PASK: variants seen among roughly 807,000 people sequenced by gnomAD.
The protein encoded by PASK is PAS domain-containing serine/threonine-protein kinase.
PASK carries 110 observed loss-of-function variants against 121.0 expected under a neutral mutation model. That is an observed-to-expected ratio of 0.91 (90% CI 0.78 to 1.06). The LOEUF (loss-of-function observed/expected upper bound fraction) is 1.06, where lower values mean the gene tolerates loss of function less well. Among genes scored for constraint, PASK ranks in the 50% least tolerant of loss-of-function variants. The probability of loss-of-function intolerance (pLI) is 0.00; values close to 1 mark genes in which losing one functional copy is unlikely to be tolerated. For synonymous variants in PASK, 686 were observed against 717.8 expected, an observed-to-expected ratio of 0.96 and a Z score of 0.71; for missense variants, 1,643 against 1,702.3, an observed-to-expected ratio of 0.97 and a Z score of 0.61.
chr2:241,126,097 G>A, intron 10 of PASK, 99 bp downstream of exon 10: 1 of 1,024,866 alleles, frequency 9.8e-7, no homozygotes. Context: ...CTATTCCAGG[G>A]TGAAACCCCA....
chr2:241,144,089 TGTGTGTGGGTGTGCGTGTGTGTCC>T (rs1383506975), intron 1 of PASK, among the ~76,000 whole-genome samples: 2 of 152,104 alleles, frequency 1.3e-5, no homozygotes, highest in South Asian at 4.1e-4. Flanking sequence ...CAGGTGTGTG[TGTGTGTGGGTGTGCGTGTGTGTCC>T]GTGCGTGTGT....
intron 12 of PASK, among the ~76,000 whole-genome samples, chr2:241,119,555 C>T (rs997812561): frequency 2.6e-5 from 4 of 151,866 alleles, no homozygotes; most frequent in South Asian, 2.1e-4. Context: ...CTGCAAGCTC[C>T]GCCTCCCGGG....
intron 8 of PASK, 60 bp downstream of exon 8, chr2:241,135,811 C>A: frequency 2.0e-6 from 3 of 1,487,652 alleles, no homozygotes; most frequent in Non-Finnish European, 2.8e-6. Flanking sequence ...GTCTCAGAGG[C>A]ATGGGGCTGT....
intron 9 of PASK, among the ~76,000 whole-genome samples, chr2:241,130,216 G>A (rs529904356): frequency 6.6e-6 from 1 of 152,350 alleles, no homozygotes; most frequent in African/African-American, 2.4e-5. Context: ...GCGAACGAGT[G>A]AGTGAATGAC....
intron 1 of PASK, 50 bp from the exon 2 acceptor site, chr2:241,143,124 G>C: frequency 1.0e-6 from 1 of 984,556 alleles, no homozygotes; most frequent in Admixed American, 1.9e-5. Context: ...AAAACACAAA[G>C]ACAGTTTAAC....
At position 241,107,343 on chromosome 2, in the gene PASK, G is replaced by A. The variant is rs2064928628; in HGVS notation, c.3814+10C>T. On this transcript the variant is annotated intron_variant, in intron 17 of 17. Transcript: ENST00000234040. Reference sequence around the variant, plus strand: ...GTCATGTGGGGTGGAGGGATGCTGAGAAGCCTCACCTGGCTTGTTTACTCG... The same window carrying A: ...GTCATGTGGGGTGGAGGGATGCTGAAAAGCCTCACCTGGCTTGTTTACTCG... 1.9e-6 allele frequency: 3 copies of A among 1,612,586 alleles called. No homozygotes were observed. The highest frequency in any genetic ancestry group is 2.2e-5 in the East Asian group (1 of 44,876).
chr2:241,113,823 C>G, intron 14 of PASK: 1 of 985,480 alleles, frequency 1.0e-6, no homozygotes, highest in East Asian at 1.1e-4. Context: ...GACCCCGCTG[C>G]TGAGCAGGTC....
intron 2 of PASK, among the ~76,000 whole-genome samples, chr2:241,141,903 G>A (rs1051576911): frequency 6.6e-6 from 1 of 152,036 alleles, no homozygotes; most frequent in African/African-American, 2.4e-5. Context: ...GTCACCAAGC[G>A]CAGCTCCTTC....
At chr2:241,107,928 G>A (rs979575138) in intron 16 of PASK, among the ~76,000 whole-genome samples, 1 of 152,206 alleles carries the variant, frequency 6.6e-6, no homozygotes, top group Non-Finnish European at 1.5e-5. Flanking sequence ...GAGCCTCCCT[G>A]TCCTGACTGC....
intron 4 of PASK, 122 bp from the exon 5 acceptor site, chr2:241,138,916 T>C: frequency 1.1e-6 from 1 of 905,920 alleles, no homozygotes; most frequent in Non-Finnish European, 1.8e-6. Context: ...TCTGCTTACC[T>C]GATTTTCATT....
intron 11 of PASK, 72 bp downstream of exon 11, chr2:241,123,877 G>C: frequency 8.0e-7 from 1 of 1,252,912 alleles, no homozygotes; most frequent in Non-Finnish European, 1.2e-6. Flanking sequence ...GAAACAGAGA[G>C]AGATGCCAAC....
chr2:241,106,853 C>T (rs1234968447), intron 17 of PASK, 130 bp from the exon 18 acceptor site: 4 of 882,634 alleles, frequency 4.5e-6, no homozygotes, highest in Non-Finnish European at 7.3e-6. Context: ...CTGGCAATGT[C>T]CCGGAAGTAC....
At chr2:241,126,063 T>C (rs948163459) in intron 10 of PASK, 133 bp downstream of exon 10, 61 of 830,958 alleles carry the variant, frequency 7.3e-5, no homozygotes, top group Non-Finnish European at 1.2e-4. Flanking sequence ...TGCATTCTCC[T>C]TGAAAACATG....
At chr2:241,123,245 G>A (rs73011824) in intron 11 of PASK, among the ~76,000 whole-genome samples, 9 of 149,630 alleles carry the variant, frequency 6.0e-5, no homozygotes, top group Non-Finnish European at 4.4e-5. Flanking sequence ...GCGCAATCTC[G>A]GCTCACTGCA....
intron 12 of PASK, among the ~76,000 whole-genome samples, chr2:241,120,010 G>C (rs111352644): frequency 2.6e-5 from 4 of 151,960 alleles, no homozygotes; most frequent in African/African-American, 9.7e-5. Context: ...TACAATCAAT[G>C]TGAGAAAATA....
At position 241,127,200 on chromosome 2, in the gene PASK, T is replaced by C; in HGVS notation, c.1715A>G (p.Gln572Arg). The change falls in exon 10 of 18, where the codon CAG becomes CGG. Residue 572 changes from glutamine (Q) to arginine (R), a missense_variant. By Grantham distance (43) the Gln-to-Arg change is conservative. Coordinates refer to ENST00000234040, the MANE Select transcript of PASK (RefSeq NM_015148.4). Reference protein sequence around the residue: ...AGMCGLCQKAQLERMGVSGPS... With the variant: ...AGMCGLCQKARLERMGVSGPS... The stretch of plus-strand genomic sequence containing the variant: ...ACCACTGACTCCCATCCGCTCTAGC[T>C]GGGCCTTCTGACACAGGCCACACAT... The C allele has an allele frequency of 6.2e-7, 1 of 1,614,248 alleles. No homozygotes were observed. The highest frequency in any genetic ancestry group is 8.5e-7 in the Non-Finnish European group (1 of 1,180,050).
At position 241,127,168 on chromosome 2, in the gene PASK, C is replaced by T. The variant is rs754795919; in HGVS notation, c.1747G>A (p.Gly583Ser). The T allele has an allele frequency of 1.8e-5, 29 of 1,613,964 alleles. No homozygotes were observed. The highest frequency in any genetic ancestry group is 5.0e-5 in the Admixed American group (3 of 60,012). The change falls in exon 10 of 18, where the codon GGT becomes AGT. Residue 583 changes from glycine (G) to serine (S), a missense_variant. By Grantham distance (56) the Gly-to-Ser change is moderately conservative (BLOSUM62 0). Transcript: ENST00000234040. ...GCAGCCCCAGCCCAAAGGTCTGAAC[C>T]GCTGGGACCACTGACTCCCATCCGC... ...LERMGVSGPS[G>S]SDLWAGAAVA...
intron 8 of PASK, 147 bp from the exon 9 acceptor site, chr2:241,133,177 C>G: frequency 1.3e-6 from 1 of 761,266 alleles, no homozygotes; most frequent in Non-Finnish European, 2.3e-6. Context: ...CAGGTCCAAC[C>G]CAGCGCCCTC....
intron 1 of PASK, among the ~76,000 whole-genome samples, chr2:241,144,923 C>CT (rs1352526111): frequency 6.6e-6 from 1 of 152,032 alleles, no homozygotes; most frequent in Non-Finnish European, 1.5e-5. Flanking sequence ...TTGTTTGTTT[C>CT]TTTTTTTTGA....
Sources: gnomAD v4.1 joint callset for allele counts (sites outside exome capture counted in the v4.1 genomes callset) on GRCh38, gnomAD v4.1.1 for gene constraint, MANE v1.5 for transcripts, NCBI Gene and HGNC (gene_info 2026-07-23, HGNC 2026-07-21) for gene names.